Variants in QDPR observed in about 807,000 individuals in gnomAD.
The protein encoded by QDPR is quinoid dihydropteridine reductase.
In QDPR, 23 loss-of-function variants were observed where a neutral mutation model predicts 31.7. That is an observed-to-expected ratio of 0.73 (90% CI 0.52 to 1.03). The LOEUF (loss-of-function observed/expected upper bound fraction) is 1.03. QDPR is among the 50% of genes least tolerant of loss of function. The pLI is 0.00. For missense variants in QDPR, 324 were observed against 323.8 expected (o/e 1.00, Z 0.00); for synonymous variants, 124 against 124.7 (o/e 0.99, Z 0.03).
chr4:17,486,931 C>A lies in QDPR; in HGVS notation c.*200G>T. On this transcript the variant is annotated 3_prime_UTR_variant, in exon 7 of 7. Transcript: ENST00000281243. ...AGATCAACGGATGCTATTTGCAGGCCACCAGTCTCGCATGTCTTTACTTCA... is the reference window on the plus strand; with the variant it reads ...AGATCAACGGATGCTATTTGCAGGCAACCAGTCTCGCATGTCTTTACTTCA... 1.7e-6 allele frequency: 1 copy of A among 605,734 alleles called. No individual in the cohort carries two copies. 37.5% of individuals were successfully genotyped at this position (605,734 alleles called of 1,614,324 possible). A position where few individuals can be genotyped will look rare whatever the true frequency, so the allele number is the denominator to read the frequency against.
chr4:17,504,664 C>G (rs1161705654), intron 2 of QDPR, among the ~76,000 whole-genome samples, 189 bp from the exon 3 acceptor site: 1 of 152,096 alleles, frequency 6.6e-6, no homozygotes, highest in Admixed American at 6.6e-5. Context: ...CCCAAGTACA[C>G]TTCAGTGTGA....
Position 17,490,665 on chromosome 4 carries a change from A to G in QDPR, c.626T>C (p.Val209Ala), listed in dbSNP as rs747182404. The change falls in exon 6 of 7, where the codon GTT becomes GCT. Residue 209 changes from valine (V) to alanine (A), a missense_variant. Physicochemically the swap from Val to Ala is moderately conservative, Grantham distance 64 (BLOSUM62 0). Transcript: ENST00000281243. ...TGGACATGTCTGTAATACTCACTCA[A>G]CTAGGAATTCTAAGGGTGTCCAGGA... The part of the protein sequence containing the change: ...FSSWTPLEFL[V>A]ETFHDWITGK... The G allele has an allele frequency of 2.5e-6, 4 of 1,612,314 alleles. No homozygotes were observed. Among genetic ancestry groups the G allele is most frequent in the Non-Finnish European group, 3.4e-6 (4 of 1,178,354 alleles).
chr4:17,496,359 T>A (rs1470563985), intron 4 of QDPR, among the ~76,000 whole-genome samples: 1 of 143,716 alleles, frequency 7.0e-6, no homozygotes, highest in Non-Finnish European at 1.5e-5. Context: ...GCAGCAGAAT[T>A]GCTTGAACCA....
At chr4:17,507,159 G>C (rs1187120916) in intron 2 of QDPR, among the ~76,000 whole-genome samples, 1 of 152,180 alleles carries the variant, frequency 6.6e-6, no homozygotes, top group Non-Finnish European at 1.5e-5. Flanking sequence ...ATGAAAAGCA[G>C]ACCCACGTAC....
At chr4:17,509,214 G>C in intron 2 of QDPR, 57 bp downstream of exon 2, 2 of 1,296,644 alleles carry the variant, frequency 1.5e-6, no homozygotes, top group Non-Finnish European at 2.2e-6. Context: ...CATACAGCCA[G>C]TGGTCACCTC....
chr4:17,487,620 T>C (rs1455184090), intron 6 of QDPR, among the ~76,000 whole-genome samples: 1 of 151,140 alleles, frequency 6.6e-6, no homozygotes, highest in African/African-American at 2.4e-5. Flanking sequence ...AGCCTGGGCA[T>C]CACAATGAGA....
chr4:17,510,882 G>GTGGCAGGA (rs941051050), intron 1 of QDPR, among the ~76,000 whole-genome samples: 17 of 152,276 alleles, frequency 1.1e-4, no homozygotes, highest in African/African-American at 3.4e-4. Context: ...GAGCAGATGG[G>GTGGCAGGA]TGGCAGGAAG....
intron 5 of QDPR, among the ~76,000 whole-genome samples, chr4:17,491,277 A>G (rs931541231): frequency 6.6e-6 from 1 of 152,234 alleles, no homozygotes; most frequent in Non-Finnish European, 1.5e-5. Flanking sequence ...AATCATTCGA[A>G]TCATTCAAAA....
chr4:17,508,966 G>A (rs945935954), intron 2 of QDPR, among the ~76,000 whole-genome samples: 13 of 152,098 alleles, frequency 8.5e-5, no homozygotes, highest in Non-Finnish European at 1.6e-4. Context: ...AGATCAGCCT[G>A]GCCAACATGG....
At chr4:17,498,534 A>G (rs950274517) in intron 4 of QDPR, among the ~76,000 whole-genome samples, 1 of 152,226 alleles carries the variant, frequency 6.6e-6, no homozygotes, top group Non-Finnish European at 1.5e-5. Flanking sequence ...TAGCAACCGT[A>G]ATGGCTTAAT....
chr4:17,487,247 A>C lies in QDPR; in HGVS notation c.630-11T>G. 1 of 1,611,658 alleles carries C rather than the reference A, an allele frequency of 6.2e-7. No homozygotes were observed. Among genetic ancestry groups the C allele is most frequent in the South Asian group, 1.1e-5 (1 of 91,030 alleles). On this transcript the variant is annotated splice_polypyrimidine_tract_variant and intron_variant, in intron 6 of 6. Coordinates refer to ENST00000281243, the MANE Select transcript of QDPR (RefSeq NM_000320.3). ...CAGTCATGGAAAGTTCTGGAACAGA[A>C]AATAAAAGTTTTTTTTATATTCTCA...
At chr4:17,504,988 A>G (rs966340480) in intron 2 of QDPR, among the ~76,000 whole-genome samples, 10 of 152,216 alleles carry the variant, frequency 6.6e-5, no homozygotes, top group Admixed American at 3.9e-4. Context: ...ATGAGCCAAG[A>G]AAAAATACAG....
intron 4 of QDPR, among the ~76,000 whole-genome samples, chr4:17,501,066 G>C (rs1172522661): frequency 6.6e-6 from 1 of 152,160 alleles, no homozygotes; most frequent in Non-Finnish European, 1.5e-5. Context: ...CTTCAAGTTA[G>C]ATGTCACTGT....
At chr4:17,506,384 G>A (rs1187401754) in intron 2 of QDPR, among the ~76,000 whole-genome samples, 1 of 152,198 alleles carries the variant, frequency 6.6e-6, no homozygotes, top group Non-Finnish European at 1.5e-5. Flanking sequence ...TCCTGCCTCA[G>A]CCTCCTGAAG....
At chr4:17,498,616 TAAG>T (rs1421166350) in intron 4 of QDPR, among the ~76,000 whole-genome samples, 2 of 152,212 alleles carry the variant, frequency 1.3e-5, no homozygotes, top group African/African-American at 2.4e-5. Flanking sequence ...GACATTTCAC[TAAG>T]AAGGTCAACA....
At chr4:17,497,273 T>G (rs1208860595) in intron 4 of QDPR, among the ~76,000 whole-genome samples, 1 of 152,144 alleles carries the variant, frequency 6.6e-6, no homozygotes, top group Non-Finnish European at 1.5e-5. Context: ...TTTTCCAATT[T>G]AAAAACTGAT....
At position 17,495,138 on chromosome 4, in the gene QDPR, T is replaced by C. The variant is rs1410044233; in HGVS notation, c.437-2798A>G. Among the ~76,000 whole-genome samples the C allele has an allele frequency of 5.3e-5, 8 of 152,232 alleles. No homozygotes were observed. The South Asian group carries it at 6.2e-4, about 12-fold the overall frequency. ...TTCCTCTCCAGATCAAGCAGTCATC[T>C]GCGGCCCATCCGGGGCATTTCCTTC... On this transcript the variant is annotated intron_variant, in intron 4 of 6. Transcript: ENST00000281243.
At chr4:17,511,247 T>A (rs3822234) in intron 1 of QDPR, among the ~76,000 whole-genome samples, 32,024 of 151,836 alleles carry the variant, frequency 0.21, 4,139 homozygotes, top group East Asian at 0.45. Context: ...TCTTTGGCCA[T>A]GTATCAGCTC....
At chr4:17,509,139 C>T (rs944419463) in intron 2 of QDPR, 132 bp downstream of exon 2, 86 of 753,426 alleles carry the variant, frequency 1.1e-4, no homozygotes, top group Non-Finnish European at 1.8e-4. Context: ...GCCTGGGCGA[C>T]AGAGCAAGAC....
Sources: allele counts gnomAD v4.1 joint callset (sites outside exome capture counted in the v4.1 genomes callset), GRCh38; gene constraint gnomAD v4.1.1; transcripts MANE v1.5; gene names NCBI Gene and HGNC (gene_info 2026-07-23, HGNC 2026-07-21).